Variants in SPOPL observed in about 807,000 individuals in gnomAD.
SPOPL encodes speckle type BTB/POZ protein like, also known as speckle-type POZ protein-like.
Under a neutral mutation model 53.8 loss-of-function variants are expected in SPOPL, and 23 were observed. That is an observed-to-expected ratio of 0.43 (90% CI 0.31 to 0.61). SPOPL has a LOEUF of 0.61. SPOPL is among the 20% of genes least tolerant of loss of function. SPOPL has a pLI of 0.12. For missense variants in SPOPL, 442 were observed against 466.9 expected, an observed-to-expected ratio of 0.95 and a Z score of 0.49; for synonymous variants, 164 against 149.7, an observed-to-expected ratio of 1.10 and a Z score of -0.70.
chr2:138,568,992 C>T lies in SPOPL; in HGVS notation c.1091C>T (p.Pro364Leu). Residue 364 changes from proline to leucine, a missense_variant, in exon 11 of 11, where the codon CCT (proline) becomes CTT (leucine). Pro to Leu is a moderately conservative substitution (Grantham distance 98, BLOSUM62 -3). Coordinates refer to ENST00000280098, the MANE Select transcript of SPOPL (RefSeq NM_001001664.3). The stretch of plus-strand genomic sequence containing the variant: ...TGGAAGTCCATGATTCAGTCTCACC[C>T]TCATTTAGTAGCAGAAGCCTTTCGA... ...SGWKSMIQSH[P>L]HLVAEAFRAL... 6.2e-7 allele frequency: 1 copy of T among 1,614,040 alleles called. No individual in the cohort carries two copies. Among genetic ancestry groups the T allele is most frequent in the Non-Finnish European group, 8.5e-7 (1 of 1,179,932 alleles).
In SPOPL at chr2:138,569,750, T is replaced by C. The variant is rs567694820; in HGVS notation, c.*670T>C. On this transcript the variant is annotated 3_prime_UTR_variant, in exon 11 of 11. Transcript: ENST00000280098. ...TGGGTTTATTCTAAGTTTACAATTA[T>C]TGAGAACTGATTGAGGTTAAGATTT... 2.6e-5 allele frequency: 4 copies of C among 152,624 alleles called. No individual in the cohort carries two copies. Among genetic ancestry groups the C allele is most frequent in the Admixed American group, 1.3e-4 (2 of 15,290 alleles). The allele number at this position is 152,624 out of a possible 1,614,324, so 9.5% of individuals were successfully genotyped here.
At chr2:138,544,877 A>C (rs1213095087) in intron 1 of SPOPL, among the ~76,000 whole-genome samples, 1 of 151,858 alleles carries the variant, frequency 6.6e-6, no homozygotes, top group Non-Finnish European at 1.5e-5. Flanking sequence ...TCTTGGCTCC[A>C]CCCCCCACCT....
chr2:138,560,695 C>T, intron 7 of SPOPL, 110 bp from the exon 8 acceptor site: 2 of 1,200,476 alleles, frequency 1.7e-6, no homozygotes, highest in East Asian at 5.1e-5. Flanking sequence ...GAGTTATACA[C>T]TATTTTAGTG....
chr2:138,538,672 A>G (rs1469994518), intron 1 of SPOPL, among the ~76,000 whole-genome samples: 1 of 150,612 alleles, frequency 6.6e-6, no homozygotes, highest in Non-Finnish European at 1.5e-5. Flanking sequence ...GCCATTTGCA[A>G]CTCTGCCTTA....
intron 5 of SPOPL, chr2:138,554,585 G>T: frequency 1.7e-6 from 2 of 1,185,514 alleles, no homozygotes; most frequent in Non-Finnish European, 1.1e-6. Context: ...ACTTAATCTT[G>T]CAAGTTCCCT....
intron 1 of SPOPL, 148 bp from the exon 2 acceptor site, chr2:138,550,009 A>C (rs1219553441): frequency 1.4e-5 from 7 of 497,250 alleles, no homozygotes; most frequent in Non-Finnish European, 2.5e-5. Flanking sequence ...TACTTCTTAA[A>C]ATCATTAAAT....
chr2:138,525,069 A>G (rs1338249222), intron 1 of SPOPL, among the ~76,000 whole-genome samples: 1 of 152,226 alleles, frequency 6.6e-6, no homozygotes, highest in Non-Finnish European at 1.5e-5. Flanking sequence ...ATCCGTTTTC[A>G]TGCTGCTGAT....
At position 138,572,387 on chromosome 2, in the gene SPOPL, A is replaced by C. The variant is rs1273600351; in HGVS notation, c.*3307A>C. The C allele has an allele frequency of 1.3e-5, 2 of 152,448 alleles. No homozygotes were observed. The highest frequency in any genetic ancestry group is 1.3e-4 in the Admixed American group (2 of 15,272). 9.4% of individuals were successfully genotyped at this position (152,448 alleles called of 1,614,324 possible). On this transcript the variant is annotated 3_prime_UTR_variant, in exon 11 of 11. Coordinates refer to ENST00000280098, the MANE Select transcript of SPOPL (RefSeq NM_001001664.3). ...TAGATGGCCAAAATTAGAATTAATA[A>C]TATACCCATTTAAATTTTGTTCATA...
intron 8 of SPOPL, among the ~76,000 whole-genome samples, chr2:138,561,727 A>C (rs1448730312): frequency 6.6e-6 from 1 of 152,224 alleles, no homozygotes; most frequent in Non-Finnish European, 1.5e-5. Context: ...ATAGATATAC[A>C]TTTGAAAAAA....
chr2:138,503,416 A>G (rs1050275370), intron 1 of SPOPL, among the ~76,000 whole-genome samples: 1 of 152,230 alleles, frequency 6.6e-6, no homozygotes, highest in African/African-American at 2.4e-5. Context: ...CAGGGCAAAT[A>G]TCTGATAAAT....
chr2:138,514,696 A>C (rs1684402386), intron 1 of SPOPL, among the ~76,000 whole-genome samples: 1 of 152,124 alleles, frequency 6.6e-6, no homozygotes, highest in Admixed American at 6.6e-5. Flanking sequence ...TTTTGGTCCC[A>C]TGTGTGCATT....
In SPOPL at chr2:138,530,380, G is replaced by C. The variant is rs188282132; in HGVS notation, c.-60-19777G>C. Among the ~76,000 whole-genome samples the C allele has an allele frequency of 1.3e-3, 196 of 152,264 alleles. 1 individual carries two copies. The highest frequency in any genetic ancestry group is 4.5e-3 in the African/African-American group (188 of 41,560). On this transcript the variant is annotated intron_variant, in intron 1 of 10. Coordinates refer to ENST00000280098, the MANE Select transcript of SPOPL (RefSeq NM_001001664.3). ...GATTGCTGGGTCGAATGGTAGTTAT[G>C]TTTTTAGGTCTTTGAGGAATCGCCA...
chr2:138,526,578 T>A (rs1684680131), intron 1 of SPOPL, among the ~76,000 whole-genome samples: 1 of 152,096 alleles, frequency 6.6e-6, no homozygotes, highest in South Asian at 2.1e-4. Context: ...ATATTCTGAT[T>A]TTTTTTACTC....
chr2:138,524,278 A>G (rs1470631831), intron 1 of SPOPL, among the ~76,000 whole-genome samples: 1 of 152,104 alleles, frequency 6.6e-6, no homozygotes, highest in Non-Finnish European at 1.5e-5. Flanking sequence ...CCAGAGCACC[A>G]AGTCCCTAGA....
chr2:138,557,308 G>A (rs1041217253), intron 5 of SPOPL, among the ~76,000 whole-genome samples: 1 of 152,168 alleles, frequency 6.6e-6, no homozygotes, highest in African/African-American at 2.4e-5. Context: ...TGATTTCTGT[G>A]ACACATATGA....
intron 1 of SPOPL, among the ~76,000 whole-genome samples, chr2:138,547,999 T>C (rs902434573): frequency 9.2e-5 from 14 of 152,168 alleles, no homozygotes; most frequent in African/African-American, 3.1e-4. Flanking sequence ...AGAATTATCT[T>C]TTTCACAGTT....
intron 1 of SPOPL, among the ~76,000 whole-genome samples, chr2:138,514,597 T>C (rs1259127702): frequency 6.6e-6 from 1 of 152,240 alleles, no homozygotes; most frequent in Non-Finnish European, 1.5e-5. Flanking sequence ...TCTGTTTTAC[T>C]GTTAATGGAC....
At chr2:138,560,699 T>A in intron 7 of SPOPL, 106 bp from the exon 8 acceptor site, 1 of 1,199,274 alleles carries the variant, frequency 8.3e-7, no homozygotes, top group Non-Finnish European at 1.2e-6. Flanking sequence ...TATACACTAT[T>A]TTAGTGTAGA....
rs373542881 is a variant in SPOPL, at chr2:138,551,022, T to G, written c.320T>G (p.Leu107Arg). The G allele has an allele frequency of 1.2e-6, 2 of 1,613,342 alleles. No homozygotes were observed. Among genetic ancestry groups the G allele is most frequent in the Non-Finnish European group, 1.7e-6 (2 of 1,179,486 alleles). ...CGAGCAAAATTCAAATTTTCCCTTC[T>G]GAATGCTAAAAGGGAAGAAACAAAA... The part of the protein sequence containing the change: ...EVRAKFKFSL[L>R]NAKREETKAM... The change falls in exon 4 of 11, where the codon CTG becomes CGG. Residue 107 changes from leucine to arginine, a missense_variant. By Grantham distance (102) the Leu-to-Arg change is moderately radical. Transcript: ENST00000280098.
Sources: allele counts gnomAD v4.1 joint callset (sites outside exome capture counted in the v4.1 genomes callset), GRCh38; gene constraint gnomAD v4.1.1; transcripts MANE v1.5; gene names NCBI Gene and HGNC (gene_info 2026-07-23, HGNC 2026-07-21).